The following TOX2 variants were observed in gnomAD, a reference collection of about 807,000 sequenced individuals.
TOX2 encodes TOX high mobility group box family member 2.
A neutral mutation model predicts 47.4 loss-of-function variants in TOX2; 15 were observed. That is an observed-to-expected ratio of 0.32 (90% CI 0.21 to 0.49). TOX2 has a LOEUF of 0.49. Ranked by LOEUF, TOX2 falls within the 20% of genes least tolerant of loss-of-function variation. The pLI is 0.99. For synonymous variants in TOX2, 290 were observed against 296.6 expected, an observed-to-expected ratio of 0.98 and a Z score of 0.23; for missense variants, 622 against 673.1, an observed-to-expected ratio of 0.92 and a Z score of 0.84.
intron 3 of TOX2, among the ~76,000 whole-genome samples, chr20:44,014,515 T>C (rs978358670): frequency 2.0e-5 from 3 of 152,138 alleles, no homozygotes; most frequent in Non-Finnish European, 2.9e-5. Context: ...GTCAGGTGTA[T>C]AGGCTATGTG....
intron 1 of TOX2, among the ~76,000 whole-genome samples, chr20:43,957,570 T>TG (rs34554632): frequency 1.1e-3 from 120 of 110,288 alleles, no homozygotes; most frequent in Middle Eastern, 5.0e-3. Context: ...ATGCCCTCTT[T>TG]TTTTTTTTTT....
At chr20:43,917,348 A>G (rs1341687451) in intron 1 of TOX2, among the ~76,000 whole-genome samples, 1 of 152,160 alleles carries the variant, frequency 6.6e-6, no homozygotes. Flanking sequence ...GGAAATGCCC[A>G]AGCTCCACCT....
chr20:43,955,648 C>T (rs2069654842), intron 1 of TOX2, among the ~76,000 whole-genome samples: 2 of 152,188 alleles, frequency 1.3e-5, no homozygotes, highest in South Asian at 2.1e-4. Flanking sequence ...GCACTTTTCA[C>T]TCATCTCTGA....
intron 1 of TOX2, among the ~76,000 whole-genome samples, chr20:43,959,956 G>A (rs1000598936): frequency 6.6e-6 from 1 of 152,038 alleles, no homozygotes; most frequent in African/African-American, 2.4e-5. Flanking sequence ...TAGAGTGTAG[G>A]CTCTGGAGTT....
intron 1 of TOX2, among the ~76,000 whole-genome samples, chr20:43,951,004 G>T (rs2069554327): frequency 6.6e-6 from 1 of 151,950 alleles, no homozygotes; most frequent in South Asian, 2.1e-4. Flanking sequence ...TTGTTTCTGG[G>T]CTCCAGGCCC....
At chr20:43,955,829 C>T (rs1316691374) in intron 1 of TOX2, among the ~76,000 whole-genome samples, 2 of 152,204 alleles carry the variant, frequency 1.3e-5, no homozygotes, top group East Asian at 1.9e-4. Context: ...CCAAGCCCTG[C>T]TCAGACTCCC....
At chr20:44,009,486 C>T (rs945819229) in intron 3 of TOX2, among the ~76,000 whole-genome samples, 1 of 152,156 alleles carries the variant, frequency 6.6e-6, no homozygotes, top group Non-Finnish European at 1.5e-5. Context: ...TCCTCAGCTT[C>T]CTCTTCTCTC....
intron 3 of TOX2, among the ~76,000 whole-genome samples, chr20:44,017,885 C>A (rs762373857): frequency 3.9e-5 from 6 of 152,174 alleles, no homozygotes; most frequent in Non-Finnish European, 7.3e-5. Flanking sequence ...CCATATCTAG[C>A]CCATGTAGCC....
chr20:43,951,157 C>T (rs1437740497), intron 1 of TOX2, among the ~76,000 whole-genome samples: 2 of 152,086 alleles, frequency 1.3e-5, no homozygotes, highest in South Asian at 2.1e-4. Context: ...CAGGAGGGAC[C>T]CTTGCAGTAG....
At chr20:43,944,448 G>T (rs187081455) in intron 1 of TOX2, among the ~76,000 whole-genome samples, 6 of 152,300 alleles carry the variant, frequency 3.9e-5, no homozygotes, top group African/African-American at 1.2e-4. Flanking sequence ...TTGTGTGAAG[G>T]TCAGGGGAAG....
At chr20:44,039,238 TA>T in intron 3 of TOX2, 1 of 1,289,088 alleles carries the variant, frequency 7.8e-7, no homozygotes, top group Non-Finnish European at 1.0e-6. Context: ...AGGTAAGCCA[TA>T]AAGGAGGATG....
chr20:43,939,978 C>T (rs1233349719), intron 1 of TOX2, among the ~76,000 whole-genome samples: 1 of 152,070 alleles, frequency 6.6e-6, no homozygotes, highest in Non-Finnish European at 1.5e-5. Flanking sequence ...CTGTATGAGA[C>T]ATTTTTCCTT....
At chr20:43,947,111 C>A (rs1419699133) in intron 1 of TOX2, among the ~76,000 whole-genome samples, 1 of 152,188 alleles carries the variant, frequency 6.6e-6, no homozygotes, top group Non-Finnish European at 1.5e-5. Context: ...GCAAGGGAAG[C>A]CTGAGGAGCC....
intron 3 of TOX2, among the ~76,000 whole-genome samples, chr20:44,026,249 A>ATATATAT (rs1569109261): frequency 1.5e-5 from 1 of 64,804 alleles, no homozygotes; most frequent in Admixed American, 1.2e-4. Flanking sequence ...ATATATATAT[A>ATATATAT]GACACACACA....
rs188150270 is a variant in TOX2, at chr20:44,050,367, C to T, written c.412-939C>T. ...GAGAAAAGAAACAACCCACATAAAA[C>T]TGAAAACCTGTTTGCTTTCCTAATG... is the stretch of plus-strand genomic sequence containing the variant. On this transcript the variant is annotated intron_variant, in intron 3 of 8. Coordinates refer to ENST00000341197, the MANE Select transcript of TOX2 (RefSeq NM_001098797.2). 1.4e-3 allele frequency among the ~76,000 whole-genome samples: 215 copies of T among 152,240 alleles called. 2 individuals are homozygous for T. The highest frequency in any genetic ancestry group is 3.4e-3 in the Admixed American group (52 of 15,304).
intron 1 of TOX2, among the ~76,000 whole-genome samples, chr20:43,926,575 C>T (rs1313325401): frequency 6.6e-6 from 1 of 152,178 alleles, no homozygotes; most frequent in Non-Finnish European, 1.5e-5. Context: ...TGTAGAACAG[C>T]GAGCATAGAC....
chr20:43,951,470 G>A (rs553276087), intron 1 of TOX2, among the ~76,000 whole-genome samples: 27 of 152,014 alleles, frequency 1.8e-4, no homozygotes, highest in African/African-American at 5.3e-4. Context: ...CCAGCTACTC[G>A]GGAGGCTGAG....
intron 1 of TOX2, among the ~76,000 whole-genome samples, chr20:43,919,585 A>G (rs2069091753): frequency 2.0e-5 from 3 of 152,274 alleles, no homozygotes; most frequent in South Asian, 2.1e-4. Context: ...AACGTCTGCC[A>G]TGGTGGTTTG....
chr20:43,946,008 C>T (rs2069464674), intron 1 of TOX2: 2 of 1,614,140 alleles, frequency 1.2e-6, no homozygotes, highest in Non-Finnish European at 1.7e-6. Context: ...TTGCAAGACA[C>T]TGGTGCATTG....
Sources: gnomAD v4.1 joint callset for allele counts (sites outside exome capture counted in the v4.1 genomes callset) on GRCh38, gnomAD v4.1.1 for gene constraint, MANE v1.5 for transcripts, NCBI Gene and HGNC (gene_info 2026-07-23, HGNC 2026-07-21) for gene names.